Variants in DYNC1I1 observed in about 807,000 individuals in gnomAD.
The protein encoded by DYNC1I1 is dynein cytoplasmic 1 intermediate chain 1.
In DYNC1I1, 43 loss-of-function variants were observed where a neutral mutation model predicts 86.6. The observed-to-expected ratio is 0.50, with a 90% confidence interval of 0.39 to 0.64. The LOEUF is 0.64. Ranked by LOEUF, DYNC1I1 falls within the 30% of genes least tolerant of loss-of-function variation. DYNC1I1 has a pLI of 0.00. For missense variants in DYNC1I1, 604 were observed against 788.8 expected (o/e 0.77, Z 2.81); for synonymous variants, 262 against 283.7 (o/e 0.92, Z 0.77).
At chr7:95,901,257 T>C (rs1392875592) in intron 6 of DYNC1I1, among the ~76,000 whole-genome samples, 2 of 152,214 alleles carry the variant, frequency 1.3e-5, no homozygotes, top group South Asian at 4.1e-4. Context: ...TTTTGGAACC[T>C]GTTCAGACCA....
At chr7:95,835,776 C>CA (rs1789069805) in intron 5 of DYNC1I1, among the ~76,000 whole-genome samples, 2 of 151,718 alleles carry the variant, frequency 1.3e-5, no homozygotes. Flanking sequence ...TCTGTTTTAT[C>CA]AGAGACTAGG....
chr7:96,050,021 C>CAAAA (rs1325932449), intron 14 of DYNC1I1, among the ~76,000 whole-genome samples: 101 of 132,318 alleles, frequency 7.6e-4, no homozygotes, highest in African/African-American at 2.9e-3. Flanking sequence ...GACTCCATCT[C>CAAAA]AAAAAAAACA....
chr7:95,838,440 A>G (rs1249676360), intron 5 of DYNC1I1, among the ~76,000 whole-genome samples: 1 of 152,174 alleles, frequency 6.6e-6, no homozygotes, highest in Admixed American at 6.5e-5. Flanking sequence ...TTTGATTAAT[A>G]TAGTTTTGTA....
rs536847758 is a variant in DYNC1I1 at position 96,050,205 on chromosome 7, C to T, written c.1509+10784C>T. On this transcript the variant is annotated intron_variant, in intron 14 of 16. Transcript: ENST00000447467. Reference sequence around the variant, plus strand: ...AATATTAAAAAAGGAAGTCTGTATTCGAGGGGGAATGTCATGCTGGAATTA... The same window carrying T: ...AATATTAAAAAAGGAAGTCTGTATTTGAGGGGGAATGTCATGCTGGAATTA... Among the ~76,000 whole-genome samples, 3 of 152,120 alleles carry T rather than the reference C, an allele frequency of 2.0e-5. No homozygotes were observed. In the South Asian group the frequency reaches 6.2e-4, roughly 32 times the overall value.
At chr7:95,790,919 A>G (rs1373323463) in intron 1 of DYNC1I1, among the ~76,000 whole-genome samples, 1 of 152,182 alleles carries the variant, frequency 6.6e-6, no homozygotes, top group Admixed American at 6.5e-5. Context: ...TCATGACCCC[A>G]ACAGGGATTG....
chr7:95,941,597 C>A (rs1438228325), intron 6 of DYNC1I1, among the ~76,000 whole-genome samples: 2 of 152,196 alleles, frequency 1.3e-5, no homozygotes, highest in East Asian at 3.9e-4. Flanking sequence ...GGCATAGGAC[C>A]CTCCGAGCCA....
intron 16 of DYNC1I1, among the ~76,000 whole-genome samples, chr7:96,107,845 G>A (rs1407652473): frequency 6.7e-6 from 1 of 149,750 alleles, no homozygotes; most frequent in Non-Finnish European, 1.5e-5. Flanking sequence ...TTTGAGGAAC[G>A]GTTTTATCAG....
At chr7:95,978,551 A>G (rs1793368341) in intron 7 of DYNC1I1, among the ~76,000 whole-genome samples, 1 of 152,180 alleles carries the variant, frequency 6.6e-6, no homozygotes, top group Non-Finnish European at 1.5e-5. Flanking sequence ...AGGTTCTTCC[A>G]TATTTCCTAA....
At chr7:95,814,079 C>T (rs4729207) in intron 4 of DYNC1I1, among the ~76,000 whole-genome samples, 58,843 of 151,988 alleles carry the variant, frequency 0.39, 11,686 homozygotes, top group East Asian at 0.58. Flanking sequence ...TCCCACATGC[C>T]GGGGTCCACA....
rs891305256 is a variant in DYNC1I1 at position 95,945,030 on chromosome 7, GAAATA to G, written c.491-32469_491-32465del. ...CTAAAACTTAAAGTATAATAATAAT[GAAATA>G]AAATAAAATAAACATAAAAATAAAA... On this transcript the variant is annotated intron_variant, in intron 6 of 16. Transcript: ENST00000447467. 9.5e-5 allele frequency among the ~76,000 whole-genome samples: 14 copies of G among 147,148 alleles called. No individual in the cohort carries two copies. The East Asian group carries it at 9.9e-4, about 10-fold the overall frequency.
At chr7:95,818,676 C>G (rs970835485) in intron 4 of DYNC1I1, 1 of 457,702 alleles carries the variant, frequency 2.2e-6, no homozygotes, top group Non-Finnish European at 3.9e-6. Context: ...AGAAACAACA[C>G]CTGTGTATTT....
intron 6 of DYNC1I1, among the ~76,000 whole-genome samples, chr7:95,871,149 C>T (rs535001671): frequency 5.3e-5 from 8 of 152,216 alleles, no homozygotes; most frequent in African/African-American, 1.4e-4. Flanking sequence ...CCTTGAAGTC[C>T]GGGGTGCCGT....
intron 2 of DYNC1I1, among the ~76,000 whole-genome samples, chr7:95,809,735 T>C (rs918508473): frequency 1.1e-4 from 17 of 152,150 alleles, no homozygotes; most frequent in African/African-American, 3.9e-4. Flanking sequence ...TTCTTGTAAA[T>C]GTTTTGTTTT....
chr7:95,788,927 A>G (rs542929961), intron 1 of DYNC1I1, among the ~76,000 whole-genome samples: 190 of 152,312 alleles, frequency 1.2e-3, no homozygotes, highest in African/African-American at 4.4e-3. Flanking sequence ...CATGGTCTTG[A>G]AAATTTAGAT....
intron 6 of DYNC1I1, among the ~76,000 whole-genome samples, chr7:95,944,487 C>G (rs147146019): frequency 0.015 from 2,316 of 152,276 alleles, 68 homozygotes; most frequent in African/African-American, 0.052. Context: ...GGATCTAGAA[C>G]TAGAAATACC....
chr7:96,025,214 G>C (rs764147914), intron 10 of DYNC1I1, among the ~76,000 whole-genome samples: 2 of 152,034 alleles, frequency 1.3e-5, no homozygotes, highest in Non-Finnish European at 2.9e-5. Flanking sequence ...ATCTTACTAC[G>C]TTAGCATTTT....
At chr7:96,068,570 G>C (rs1192090887) in intron 14 of DYNC1I1, among the ~76,000 whole-genome samples, 1 of 152,082 alleles carries the variant, frequency 6.6e-6, no homozygotes, top group Admixed American at 6.6e-5. Context: ...TGTTTGATAG[G>C]ATAAATCTGG....
intron 14 of DYNC1I1, among the ~76,000 whole-genome samples, chr7:96,069,746 C>T (rs1229497494): frequency 1.3e-5 from 2 of 152,150 alleles, no homozygotes; most frequent in African/African-American, 4.8e-5. Context: ...TAATTAGCTT[C>T]TTTATTGGTG....
At chr7:95,859,734 G>C (rs1789826107) in intron 5 of DYNC1I1, among the ~76,000 whole-genome samples, 2 of 152,376 alleles carry the variant, frequency 1.3e-5, no homozygotes, top group South Asian at 4.1e-4. Context: ...CCACCTAGCA[G>C]GCATAAAGCT....
Sources: allele counts gnomAD v4.1 joint callset (sites outside exome capture counted in the v4.1 genomes callset), GRCh38; gene constraint gnomAD v4.1.1; transcripts MANE v1.5; gene names NCBI Gene and HGNC (gene_info 2026-07-23, HGNC 2026-07-21).